The following SAMM50 variants were observed in gnomAD, a reference collection of about 807,000 sequenced individuals.
SAMM50 encodes the protein SAMM50 sorting and assembly machinery component, also known as sorting and assembly machinery component 50 homolog.
Under a neutral mutation model 66.9 loss-of-function variants are expected in SAMM50, and 47 were observed. That is an observed-to-expected ratio of 0.70 (90% confidence interval 0.56 to 0.90). The LOEUF (loss-of-function observed/expected upper bound fraction) is 0.90. Ranked by LOEUF, SAMM50 falls within the 40% of genes least tolerant of loss-of-function variation. The pLI, the probability that SAMM50 is intolerant of heterozygous loss-of-function variation, is 0.00. For missense variants in SAMM50, 535 were observed against 595.3 expected, an observed-to-expected ratio of 0.90 and a Z score of 1.05; for synonymous variants, 191 against 214.1, an observed-to-expected ratio of 0.89 and a Z score of 0.94.
At chr22:43,964,801 C>T (rs2050164805) in intron 3 of SAMM50, among the ~76,000 whole-genome samples, 1 of 152,190 alleles carries the variant, frequency 6.6e-6, no homozygotes, top group Admixed American at 6.5e-5. Flanking sequence ...TGTCTGTCCT[C>T]TTGCGTTCCT....
At chr22:43,991,253 G>C (rs2050323336) in intron 14 of SAMM50, among the ~76,000 whole-genome samples, 1 of 151,390 alleles carries the variant, frequency 6.6e-6, no homozygotes, top group Non-Finnish European at 1.5e-5. Flanking sequence ...TGGGATTATA[G>C]GCATGAGCCA....
At position 43,963,386 on chromosome 22, in the gene SAMM50, A is replaced by C; in HGVS notation, c.122A>C (p.Glu41Ala). 1 of 1,606,362 alleles carries C rather than the reference A, an allele frequency of 6.2e-7. No homozygotes were observed. Among genetic ancestry groups the C allele is most frequent in the Non-Finnish European group, 8.5e-7 (1 of 1,174,972 alleles). Residue 41 changes from glutamate to alanine, a missense_variant, in exon 2 of 15, where the codon GAA becomes GCA. By Grantham distance (107) the Glu-to-Ala change is moderately radical. Coordinates refer to ENST00000350028, the MANE Select transcript of SAMM50 (RefSeq NM_015380.5). The part of the protein sequence containing the change: ...VEPEAKQEIL[E>A]NKDVVVQHVH... The stretch of plus-strand genomic sequence containing the variant: ...CCTGAAGCTAAACAGGAAATTCTTG[A>C]AAACAAAGATGTGAGTTTTCTGTTG...
At chr22:43,962,726 T>C (rs1395296728) in intron 1 of SAMM50, among the ~76,000 whole-genome samples, 1 of 152,034 alleles carries the variant, frequency 6.6e-6, no homozygotes, top group Non-Finnish European at 1.5e-5. Context: ...GAGAGCAAAT[T>C]ATTTTCCTTT....
At chr22:43,990,050 A>G (rs1192911227) in intron 13 of SAMM50, among the ~76,000 whole-genome samples, 1 of 152,220 alleles carries the variant, frequency 6.6e-6, no homozygotes, top group Non-Finnish European at 1.5e-5. Flanking sequence ...AAGAATTGAG[A>G]AGGCGTGGCT....
Position 43,976,042 on chromosome 22 carries a change from C to T in SAMM50, c.649-13C>T, listed in dbSNP as rs750195908. The T allele has an allele frequency of 3.7e-6, 6 of 1,603,396 alleles. No homozygotes were observed. The highest frequency in any genetic ancestry group is 3.3e-4 in the Middle Eastern group (2 of 6,026). On this transcript the variant is annotated splice_polypyrimidine_tract_variant and intron_variant, in intron 7 of 14. Coordinates refer to ENST00000350028, the MANE Select transcript of SAMM50 (RefSeq NM_015380.5). ...TGTGTGGTCCGGAAAGATGTCTGAT[C>T]TCCATGTTGCAGTTTCCCATATGGA...
chr22:43,971,986 A>G (rs2050205990), intron 4 of SAMM50, among the ~76,000 whole-genome samples: 1 of 152,206 alleles, frequency 6.6e-6, no homozygotes, highest in Admixed American at 6.5e-5. Context: ...GGCCTGAGTC[A>G]CTGTGCTCAG....
intron 10 of SAMM50, among the ~76,000 whole-genome samples, chr22:43,978,987 C>T (rs1182984454): frequency 6.6e-6 from 1 of 152,230 alleles, no homozygotes; most frequent in Non-Finnish European, 1.5e-5. Flanking sequence ...CCCCTGCCAC[C>T]ACAGGCCTCC....
intron 13 of SAMM50, 33 bp downstream of exon 13, chr22:43,989,290 G>A (rs911416739): frequency 1.3e-6 from 2 of 1,594,394 alleles, no homozygotes; most frequent in African/African-American, 2.7e-5. Context: ...AACCATTGTA[G>A]TACAGTTGTT....
At chr22:43,987,698 C>T (rs941241078) in intron 12 of SAMM50, 1 of 151,940 alleles carries the variant, frequency 6.6e-6, no homozygotes, top group African/African-American at 2.4e-5. Flanking sequence ...CATGTTTGTG[C>T]CAGGAAACTC....
At chr22:43,981,809 G>T (rs1387777798) in intron 11 of SAMM50, among the ~76,000 whole-genome samples, 2 of 152,198 alleles carry the variant, frequency 1.3e-5, no homozygotes, top group Non-Finnish European at 2.9e-5. Flanking sequence ...AAGCAGCATT[G>T]TAGTGGCATA....
Position 43,973,411 on chromosome 22 carries a change from G to A in SAMM50, c.648+88G>A, listed in dbSNP as rs117177740. ...TTCCCAAAGGCAGCAAGAGGGCAGC[G>A]TGGAAAGCACAGGCCCTCTGCCCTC... On this transcript the variant is annotated intron_variant, in intron 7 of 14. Transcript: ENST00000350028. 936 of 796,190 alleles carry A rather than the reference G, an allele frequency of 1.2e-3. 9 individuals carry two copies. In the East Asian group the frequency reaches 0.02, roughly 17 times the overall value. 49.3% of individuals were successfully genotyped at this position (796,190 alleles called of 1,614,324 possible). A position where few individuals can be genotyped will look rare whatever the true frequency, so the allele number is the denominator to read the frequency against.
At chr22:43,979,287 G>A (rs905750134) in intron 10 of SAMM50, among the ~76,000 whole-genome samples, 1 of 152,098 alleles carries the variant, frequency 6.6e-6, no homozygotes, top group African/African-American at 2.4e-5. Flanking sequence ...CTCCTTCCTG[G>A]GCCCAGATTC....
rs113427050 is a variant in SAMM50 at position 43,960,105 on chromosome 22, G to T, written c.22-3181G>T. On this transcript the variant is annotated intron_variant, in intron 1 of 14. Coordinates refer to ENST00000350028, the MANE Select transcript of SAMM50 (RefSeq NM_015380.5). The stretch of plus-strand genomic sequence containing the variant: ...TCAGCGTAATGGGATATAAACCTTT[G>T]CCTAGATAAAGCATTTTTGCTAGGC... Among the ~76,000 whole-genome samples, 1,153 of 152,196 alleles carry T rather than the reference G, an allele frequency of 7.6e-3. 18 individuals are homozygous for T. The highest frequency in any genetic ancestry group is 0.027 in the African/African-American group (1,107 of 41,524).
chr22:43,956,656 G>A (rs1275066729), intron 1 of SAMM50, among the ~76,000 whole-genome samples: 1 of 152,186 alleles, frequency 6.6e-6, no homozygotes, highest in Non-Finnish European at 1.5e-5. Context: ...TCCTTCAGGA[G>A]TTTGGACCTC....
intron 14 of SAMM50, among the ~76,000 whole-genome samples, chr22:43,994,221 C>T (rs952221533): frequency 1.3e-5 from 2 of 152,194 alleles, no homozygotes; most frequent in African/African-American, 4.8e-5. Context: ...TGCAGGTGTG[C>T]GCTGTCGGCG....
At chr22:43,975,150 G>A (rs117130990) in intron 7 of SAMM50, 7,013 of 152,432 alleles carry the variant, frequency 0.046, 222 homozygotes, top group Middle Eastern at 0.075. Flanking sequence ...GTGGCCCTAA[G>A]TGTAGAGATG....
chr22:43,966,046 G>T (rs1178498015), intron 3 of SAMM50, among the ~76,000 whole-genome samples: 1 of 152,138 alleles, frequency 6.6e-6, no homozygotes, highest in Non-Finnish European at 1.5e-5. Flanking sequence ...TTGCCATGTT[G>T]TCCAGGCTGA....
At chr22:43,996,287 T>G (rs572341865) in intron 14 of SAMM50, 51 bp from the exon 15 acceptor site, 6 of 1,599,196 alleles carry the variant, frequency 3.8e-6, no homozygotes, top group Non-Finnish European at 5.1e-6. Flanking sequence ...GTCGTGAAGA[T>G]GGCAGGGCTG....
intron 5 of SAMM50, 111 bp from the exon 6 acceptor site, chr22:43,972,760 A>G (rs759735728): frequency 2.0e-5 from 20 of 994,858 alleles, no homozygotes; most frequent in Non-Finnish European, 3.0e-5. Context: ...TGTAGTTAGC[A>G]TCTTCCTTCT....
Sources: gnomAD v4.1 joint callset for allele counts (sites outside exome capture counted in the v4.1 genomes callset) on GRCh38, gnomAD v4.1.1 for gene constraint, MANE v1.5 for transcripts, NCBI Gene and HGNC (gene_info 2026-07-23, HGNC 2026-07-21) for gene names.